The following NFKBID variants were observed in gnomAD, a reference collection of about 807,000 sequenced individuals.
The protein encoded by NFKBID is NF-kappa-B inhibitor delta.
Under a neutral mutation model 53.4 loss-of-function variants are expected in NFKBID, and 26 were observed. That is an observed-to-expected ratio of 0.49 (90% confidence interval 0.36 to 0.68). The LOEUF is 0.68. NFKBID is among the 30% of genes least tolerant of loss of function. The pLI is 0.00. For synonymous variants in NFKBID, 262 were observed against 259.8 expected (o/e 1.01, Z -0.08); for missense variants, 493 against 614.1 (o/e 0.80, Z 2.08).
exon 11 of NFKBID, chr19:35,890,003 C>T (rs2146933525): frequency 6.2e-7 from 1 of 1,609,070 alleles, no homozygotes. Flanking sequence ...GCCTCCTGGG[C>T]CGGCCCAGGG....
chr19:35,899,801 C>CGCGCTGACGCCACG (rs1180363007), intron 1 of NFKBID: 1 of 152,276 alleles, frequency 6.6e-6, no homozygotes, highest in African/African-American at 2.4e-5. Context: ...CCCGACGCGG[C>CGCGCTGACGCCACG]GCGCTGACGC....
exon 4 of NFKBID, chr19:35,897,779 T>C (rs1245911165): frequency 6.2e-7 from 1 of 1,607,682 alleles, no homozygotes; most frequent in East Asian, 2.2e-5. Context: ...GCATGCGTGT[T>C]GGGGTCCCAG....
At chr19:35,899,974 TC>T (rs144985068) in intron 1 of NFKBID, among the ~76,000 whole-genome samples, 3,029 of 142,058 alleles carry the variant, frequency 0.021, 91 homozygotes, top group African/African-American at 0.07. Flanking sequence ...CATCCGGAAA[TC>T]CCAGGGCGGG....
chr19:35,888,510 C>T (rs774877906), exon 12 of NFKBID: 13 of 1,374,870 alleles, frequency 9.5e-6, no homozygotes, highest in Admixed American at 2.0e-5. Context: ...CTGGCTGTCC[C>T]GCAGGACGGT....
chr19:35,894,131 T>C (rs1974969167), intron 9 of NFKBID, among the ~76,000 whole-genome samples: 2 of 151,604 alleles, frequency 1.3e-5, no homozygotes, highest in Admixed American at 1.3e-4. Flanking sequence ...TGGTGGTGCA[T>C]GCCTGTAGTC....
Position 35,896,848 on chromosome 19 carries a change from G to T in NFKBID, c.579-17C>A, listed in dbSNP as rs1355072197. The stretch of plus-strand genomic sequence containing the variant: ...TGAAGGAGCCTGAGGACAGGTGGGG[G>T]ACAGCCGTGAGAACAGCCCCCACCA... On this transcript the variant is annotated splice_polypyrimidine_tract_variant and intron_variant, in intron 5 of 11. Coordinates refer to ENST00000641389, the Ensembl canonical transcript of NFKBID. This position sits in a 1 kb window ranked among gnomAD's most constrained non-coding sequence, Gnocchi z 5.7. The T allele has an allele frequency of 6.2e-7, 1 of 1,613,952 alleles. No homozygotes were observed. The highest frequency in any genetic ancestry group is 1.3e-5 in the African/African-American group (1 of 74,924).
At chr19:35,900,292 C>T in intron 1 of NFKBID, 150 bp downstream of exon 1, 2 of 596,998 alleles carry the variant, frequency 3.4e-6, no homozygotes, top group Non-Finnish European at 4.9e-6. Flanking sequence ...TCACGATCCA[C>T]GATCCCCTCC....
At chr19:35,890,261 TG>T in intron 10 of NFKBID, 112 bp downstream of exon 10, 1 of 877,352 alleles carries the variant, frequency 1.1e-6, no homozygotes, top group South Asian at 1.5e-5. Flanking sequence ...TACTTTCCCC[TG>T]CAGATCCCAC....
chr19:35,896,803 G>T lies in NFKBID; in HGVS notation c.607C>A (p.Leu203Met), dbSNP rs1024588594. 1.2e-6 allele frequency: 2 copies of T among 1,613,866 alleles called. No homozygotes were observed. The highest frequency in any genetic ancestry group is 2.7e-5 in the African/African-American group (2 of 74,904). Residue 203 changes from leucine to methionine, a missense_variant, in exon 6 of 12, where the codon CTG becomes ATG. This residue lies in a region of NFKBID where 267 missense variants were observed against 384.6 expected (regional missense o/e 0.69). Transcript: ENST00000641389. The surrounding 1 kb of genome is among the most constrained non-coding windows in gnomAD (Gnocchi z 5.7). ...GCCGCAGCATATGCCGCCCAGCGCA[G>T]CCCCCGAGCCGCAAACAGGTGAAGG...
intron 4 of NFKBID, 159 bp from the exon 5 acceptor site, chr19:35,897,217 C>T: frequency 1.4e-6 from 1 of 737,478 alleles, no homozygotes; most frequent in Non-Finnish European, 2.1e-6. Flanking sequence ...GCCAAGTGAC[C>T]TTGGACCTTT....
rs181649779 is a variant in NFKBID at position 35,895,728 on chromosome 19, C to T, written c.1032+252G>A. 3.8e-4 allele frequency among the ~76,000 whole-genome samples: 58 copies of T among 152,162 alleles called. No homozygotes were observed. In the East Asian group the frequency reaches 9.6e-3, roughly 25 times the overall value. ...CTGAGGCAGGAGAATCACTTGAACC[C>T]GGGATGCAGAGGTTGCGGTGAGCCA... On this transcript the variant is annotated intron_variant, in intron 9 of 11. Coordinates refer to ENST00000641389, the Ensembl canonical transcript of NFKBID.
chr19:35,898,352 A>T, intron 3 of NFKBID, 120 bp downstream of exon 3: 1 of 505,998 alleles, frequency 2.0e-6, no homozygotes, highest in Non-Finnish European at 3.4e-6. Context: ...CTGTCTCAGA[A>T]AAAAAAAAAA....
intron 9 of NFKBID, among the ~76,000 whole-genome samples, chr19:35,894,867 C>A (rs1448483365): frequency 1.3e-5 from 2 of 151,984 alleles, no homozygotes; most frequent in Non-Finnish European, 2.9e-5. Context: ...GTGGTGGGAA[C>A]CTGTAATCCC....
At chr19:35,900,807 CTTTTTCTTTTTTTTCTTTTCTTTTTT>C (rs1975522818), upstream of NFKBID, 1 of 274,210 alleles carries the variant, frequency 3.6e-6, no homozygotes, top group Non-Finnish European at 6.6e-6. Flanking sequence ...CTTTTCTTTT[CTTTTTCTTTTTTTTCTTTTCTTTTTT>C]TTTTTTTTTT....
At chr19:35,889,634 A>G (rs1041315011) in intron 11 of NFKBID, among the ~76,000 whole-genome samples, 2 of 152,090 alleles carry the variant, frequency 1.3e-5, no homozygotes, top group East Asian at 3.9e-4. Flanking sequence ...AGGTCAAGCA[A>G]GATTCAGGGT....
chr19:35,889,400 GGAA>G (rs1974597360), intron 11 of NFKBID, among the ~76,000 whole-genome samples: 1 of 152,028 alleles, frequency 6.6e-6, no homozygotes, highest in African/African-American at 2.4e-5. Context: ...TAAAGATGTG[GGAA>G]GAAGGTCAAG....
In NFKBID at chr19:35,896,169, C is replaced by A. The variant is rs746643252; in HGVS notation, c.884-41G>T. ...AGTGAGGGACCCGCATCTGCACCCA[C>A]CTCGCCCAGCCACACCAACCACACC... is the stretch of plus-strand genomic sequence containing the variant. On this transcript the variant is annotated intron_variant, in intron 8 of 11. Coordinates refer to ENST00000641389, the Ensembl canonical transcript of NFKBID. This position sits in a 1 kb window ranked among gnomAD's most constrained non-coding sequence, Gnocchi z 5.7. 6.2e-7 allele frequency: 1 copy of A among 1,613,784 alleles called. No individual in the cohort carries two copies. The highest frequency in any genetic ancestry group is 1.7e-5 in the Admixed American group (1 of 59,984).
intron 9 of NFKBID, 106 bp from the exon 10 acceptor site, chr19:35,890,596 G>T: frequency 1.2e-6 from 1 of 809,594 alleles, no homozygotes; most frequent in Non-Finnish European, 2.2e-6. Flanking sequence ...GAGTGCGGTG[G>T]TTCACGCCTG....
At chr19:35,893,083 T>C (rs1200648011) in intron 9 of NFKBID, among the ~76,000 whole-genome samples, 1 of 152,014 alleles carries the variant, frequency 6.6e-6, no homozygotes, top group Non-Finnish European at 1.5e-5. Flanking sequence ...GTGGAAGGAA[T>C]GTTTGAGGTC....
Sources: gnomAD v4.1 joint callset for allele counts (sites outside exome capture counted in the v4.1 genomes callset) on GRCh38, gnomAD v4.1.1 for gene constraint, gnomAD v4.1.1 regional missense constraint, Gnocchi (gnomAD v3.1) non-coding constraint, MANE v1.5 for transcripts, NCBI Gene and HGNC (gene_info 2026-07-23, HGNC 2026-07-21) for gene names.